The following AKT3 variants were observed in gnomAD, a reference collection of about 807,000 sequenced individuals.
The protein encoded by AKT3 is RAC-gamma serine/threonine-protein kinase.
In AKT3, 15 loss-of-function variants were observed where a neutral mutation model predicts 65.3. That is an observed-to-expected ratio of 0.23 (90% confidence interval 0.15 to 0.35). The LOEUF (loss-of-function observed/expected upper bound fraction) is 0.35. Ranked by LOEUF, AKT3 falls within the 10% of genes least tolerant of loss-of-function variation. The probability of loss-of-function intolerance (pLI) is 1.00; values close to 1 mark genes in which losing one functional copy is unlikely to be tolerated. For synonymous variants in AKT3, 206 were observed against 183.8 expected (o/e 1.12, Z -0.98); for missense variants, 243 against 576.5 (o/e 0.42, Z 5.92).
intron 8 of AKT3, among the ~76,000 whole-genome samples, chr1:243,599,877 A>C (rs1676886916): frequency 6.6e-6 from 1 of 152,076 alleles, no homozygotes; most frequent in Non-Finnish European, 1.5e-5. Flanking sequence ...TAGCAGTAAA[A>C]CTGTCTTTGT....
intron 4 of AKT3, among the ~76,000 whole-genome samples, chr1:243,650,228 A>T (rs1483958318): frequency 6.6e-6 from 1 of 152,190 alleles, no homozygotes; most frequent in African/African-American, 2.4e-5. Flanking sequence ...GTGTCTGTTC[A>T]TATCCTTTGC....
chr1:243,547,138 G>A (rs1181278656), intron 11 of AKT3, among the ~76,000 whole-genome samples: 1 of 151,642 alleles, frequency 6.6e-6, no homozygotes, highest in African/African-American at 2.4e-5. Context: ...GCCAATTCTG[G>A]CGGTATAAAT....
At chr1:243,693,435 A>T (rs1304815130) in intron 3 of AKT3, among the ~76,000 whole-genome samples, 2 of 151,522 alleles carry the variant, frequency 1.3e-5, no homozygotes, top group East Asian at 3.9e-4. Context: ...CCTCATAAAG[A>T]CATTCTTCAT....
At chr1:243,616,799 A>G (rs1014071980) in intron 6 of AKT3, among the ~76,000 whole-genome samples, 2 of 152,192 alleles carry the variant, frequency 1.3e-5, no homozygotes, top group African/African-American at 4.8e-5. Context: ...GGTAAGATCA[A>G]TTGTGTCTGA....
chr1:243,511,503 G>A (rs1670012837), intron 13 of AKT3, among the ~76,000 whole-genome samples: 1 of 152,162 alleles, frequency 6.6e-6, no homozygotes, highest in Admixed American at 6.5e-5. Flanking sequence ...GAGAGGAGAA[G>A]ACATATAGGG....
At chr1:243,657,130 T>G (rs979128309) in intron 4 of AKT3, among the ~76,000 whole-genome samples, 2 of 152,140 alleles carry the variant, frequency 1.3e-5, no homozygotes, top group Non-Finnish European at 2.9e-5. Flanking sequence ...GAGGTCATGA[T>G]AGAACTCATA....
chr1:243,695,283 C>A (rs1275720796), intron 3 of AKT3, among the ~76,000 whole-genome samples: 1 of 151,900 alleles, frequency 6.6e-6, no homozygotes, highest in Non-Finnish European at 1.5e-5. Context: ...CATGCTAAAT[C>A]TAACAACCAA....
intron 2 of AKT3, among the ~76,000 whole-genome samples, chr1:243,780,490 C>T (rs1288482903): frequency 6.6e-6 from 1 of 151,138 alleles, no homozygotes; most frequent in Non-Finnish European, 1.5e-5. Context: ...CTAAAGGAGG[C>T]ATCATGTCTC....
chr1:243,575,636 T>C (rs1558626463), intron 8 of AKT3, among the ~76,000 whole-genome samples: 1 of 152,166 alleles, frequency 6.6e-6, no homozygotes, highest in Non-Finnish European at 1.5e-5. Flanking sequence ...TAAAAGTACT[T>C]TGAAGGCAAA....
chr1:243,782,819 AAAG>A (rs1446583034), intron 2 of AKT3, among the ~76,000 whole-genome samples: 1 of 152,222 alleles, frequency 6.6e-6, no homozygotes, highest in Non-Finnish European at 1.5e-5. Flanking sequence ...TGGGTGGATT[AAAG>A]AAGCAGTAAA....
intron 2 of AKT3, among the ~76,000 whole-genome samples, chr1:243,784,793 C>T (rs1691143564): frequency 6.6e-6 from 1 of 152,218 alleles, no homozygotes; most frequent in Admixed American, 6.5e-5. Context: ...TGTGCTCCCC[C>T]TCCCACCCCT....
rs1442059539 is a variant in AKT3, at chr1:243,816,143, G to A, written c.46+26982C>T. Among the ~76,000 whole-genome samples the A allele has an allele frequency of 3.9e-5, 6 of 152,200 alleles. No individual in the cohort carries two copies. In the South Asian group the frequency reaches 1.0e-3, roughly 26 times the overall value. On this transcript the variant is annotated intron_variant, in intron 2 of 13. Transcript: ENST00000673466. The stretch of plus-strand genomic sequence containing the variant: ...TCATATGATGGAAAAGTTCATGATA[G>A]TTTTTGGCTTATAATTCCATTTCTG...
intron 1 of AKT3, among the ~76,000 whole-genome samples, chr1:243,846,579 G>C (rs2148484624): frequency 6.6e-6 from 1 of 152,212 alleles, no homozygotes; most frequent in East Asian, 1.9e-4. Flanking sequence ...GAGAAAATGA[G>C]TTTACATCTA....
chr1:243,837,556 TA>T (rs1318880730), intron 2 of AKT3, among the ~76,000 whole-genome samples: 1 of 152,198 alleles, frequency 6.6e-6, no homozygotes, highest in Non-Finnish European at 1.5e-5. Flanking sequence ...ATTGGTAATA[TA>T]TTTTTTTAAA....
At position 243,491,392 on chromosome 1, in the gene AKT3, T is replaced by C. The variant is rs149156575; in HGVS notation, c.*7-2942A>G. On this transcript the variant is annotated intron_variant, in intron 13 of 13. Coordinates refer to the AKT3 transcript ENST00000336199. ...GCTATCTGATACTGGCCCATCTGGC[T>C]CATCTCTAAAGCGGCCTTTCAGATT... 3.6e-3 allele frequency among the ~76,000 whole-genome samples: 555 copies of C among 152,364 alleles called. 10 individuals are homozygous for C. Among genetic ancestry groups the C allele is most frequent in the African/African-American group, 0.012 (486 of 41,588 alleles).
chr1:243,850,617 G>T (rs1695742243), upstream of AKT3, among the ~76,000 whole-genome samples: 1 of 150,114 alleles, frequency 6.7e-6, no homozygotes, highest in Non-Finnish European at 1.5e-5. Context: ...GGGGCTTGTT[G>T]TTGACTTTGA....
intron 3 of AKT3, chr1:243,687,717 A>T (rs1168042790): frequency 6.6e-6 from 1 of 152,100 alleles, no homozygotes; most frequent in African/African-American, 2.4e-5. Flanking sequence ...GTATGATTTG[A>T]ATTGGAGCCT....
intron 1 of AKT3, among the ~76,000 whole-genome samples, chr1:243,848,842 T>C (rs540411946): frequency 1.4e-4 from 22 of 152,374 alleles, no homozygotes; most frequent in East Asian, 5.8e-4. Flanking sequence ...CTTCATCAAT[T>C]GCAAACTACC....
At chr1:243,659,932 TA>T (rs1682154580) in intron 4 of AKT3, among the ~76,000 whole-genome samples, 1 of 152,234 alleles carries the variant, frequency 6.6e-6, no homozygotes, top group African/African-American at 2.4e-5. Context: ...GATATTGGTC[TA>T]AAATTCTCTT....
Sources: allele counts gnomAD v4.1 joint callset (sites outside exome capture counted in the v4.1 genomes callset), GRCh38; gene constraint gnomAD v4.1.1; transcripts MANE v1.5; gene names NCBI Gene and HGNC (gene_info 2026-07-23, HGNC 2026-07-21).